ZNF486: variants seen among roughly 807,000 people sequenced by gnomAD.
ZNF486 encodes the protein zinc finger protein 486, also known as KRAB box only protein 2.
Under a neutral mutation model 12.8 loss-of-function variants are expected in ZNF486, and 12 were observed. The ratio of observed to expected loss-of-function variants is 0.94; its 90% CI spans 0.60 to 1.52. The LOEUF (loss-of-function observed/expected upper bound fraction) is 1.52, where lower values mean the gene tolerates loss of function less well. ZNF486 is among the 40% of genes most tolerant of loss of function. The probability of loss-of-function intolerance (pLI) is 0.00; values close to 1 mark genes in which losing one functional copy is unlikely to be tolerated. For synonymous variants in ZNF486, 231 were observed against 184.9 expected (o/e 1.25, Z -2.02); for missense variants, 738 against 545.0 (o/e 1.35, Z -3.53).
chr19:20,199,520 C>G lies in ZNF486; in HGVS notation c.*1418C>G, dbSNP rs1176610009. 1 of 150,798 alleles carries G rather than the reference C, an allele frequency of 6.6e-6. No individual in the cohort carries two copies. The highest frequency in any genetic ancestry group is 1.5e-5 in the Non-Finnish European group (1 of 67,748). 9.3% of individuals were successfully genotyped at this position (150,798 alleles called of 1,614,324 possible). On this transcript the variant is annotated 3_prime_UTR_variant, in exon 4 of 4. Coordinates refer to ENST00000335117, the MANE Select transcript of ZNF486 (RefSeq NM_052852.4). Reference sequence around the variant, plus strand: ...CCAAGGTGGGAGGATCACCTGATGTCGGGAGTTTGAGATCAGACTGACCAA... The same window carrying G: ...CCAAGGTGGGAGGATCACCTGATGTGGGGAGTTTGAGATCAGACTGACCAA...
At chr19:20,170,673 G>A (rs1228764948) in intron 1 of ZNF486, among the ~76,000 whole-genome samples, 2 of 152,188 alleles carry the variant, frequency 1.3e-5, no homozygotes, top group Admixed American at 1.3e-4. Flanking sequence ...CTGTGTGACA[G>A]GTAAGAAAAG....
intron 1 of ZNF486, among the ~76,000 whole-genome samples, chr19:20,181,692 A>T (rs1356255352): frequency 2.0e-5 from 3 of 151,754 alleles, no homozygotes; most frequent in Non-Finnish European, 4.4e-5. Flanking sequence ...GTCACAGAAA[A>T]GTAAATATGA....
In ZNF486 at chr19:20,188,575, T is replaced by G. The variant is rs1002584525; in HGVS notation, c.253+2493T>G. On this transcript the variant is annotated intron_variant, in intron 3 of 3. Transcript: ENST00000335117. The stretch of plus-strand genomic sequence containing the variant: ...GGTATGCAGCTGTGGTACCTGCTAC[T>G]TGGGAGATGGAGGGGGAGTCAAAAT... 11 of 397,758 alleles carry G rather than the reference T, an allele frequency of 2.8e-5. No individual in the cohort carries two copies. The Admixed American group carries it at 4.4e-4, about 16-fold the overall frequency. 24.6% of individuals were successfully genotyped at this position (397,758 alleles called of 1,614,324 possible).
At chr19:20,178,452 T>C (rs1555715136) in intron 1 of ZNF486, among the ~76,000 whole-genome samples, 1 of 151,886 alleles carries the variant, frequency 6.6e-6, no homozygotes, top group East Asian at 1.9e-4. Flanking sequence ...ACTGTGTTAG[T>C]TAGATGGTCT....
chr19:20,191,663 G>A (rs575039727), intron 3 of ZNF486, among the ~76,000 whole-genome samples: 3 of 151,628 alleles, frequency 2.0e-5, no homozygotes, highest in East Asian at 3.9e-4. Context: ...CCAGCTACTC[G>A]GGAGGCTGAG....
At chr19:20,170,049 C>G (rs186737860) in intron 1 of ZNF486, among the ~76,000 whole-genome samples, 6 of 151,682 alleles carry the variant, frequency 4.0e-5, no homozygotes, top group African/African-American at 1.5e-4. Flanking sequence ...CGCCACCACG[C>G]CCGGCTAATT....
intron 3 of ZNF486, among the ~76,000 whole-genome samples, chr19:20,196,106 C>T (rs1206847105): frequency 6.6e-6 from 1 of 152,172 alleles, no homozygotes; most frequent in Non-Finnish European, 1.5e-5. Context: ...ACATTCTCTG[C>T]CTCCACAGTT....
chr19:20,182,017 T>C (rs1262468287), intron 1 of ZNF486, among the ~76,000 whole-genome samples: 3 of 152,254 alleles, frequency 2.0e-5, no homozygotes, highest in Admixed American at 2.0e-4. Context: ...AAATACAGAC[T>C]TACTCTGTCA....
At chr19:20,196,615 C>A (rs532032933) in intron 3 of ZNF486, among the ~76,000 whole-genome samples, 19 of 152,326 alleles carry the variant, frequency 1.2e-4, no homozygotes, top group Admixed American at 4.6e-4. Context: ...CAGGAATGAG[C>A]CACTGCACCA....
chr19:20,181,196 G>A (rs1213284885), intron 1 of ZNF486, among the ~76,000 whole-genome samples: 8 of 152,168 alleles, frequency 5.3e-5, no homozygotes, highest in African/African-American at 1.9e-4. Flanking sequence ...GAATCCTGCT[G>A]CCTTTCTAGA....
chr19:20,186,768 T>G (rs969039972), intron 3 of ZNF486, among the ~76,000 whole-genome samples: 4 of 149,848 alleles, frequency 2.7e-5, no homozygotes, highest in South Asian at 2.1e-4. Context: ...TTGGATCTTC[T>G]CTAATATTTT....
chr19:20,184,248 T>G lies in ZNF486; in HGVS notation c.31-108T>G, dbSNP rs2089816981. ...AAATTATTTTATTGGATAATTTTAG[T>G]CAATCCTATAAGTAAGAATCAGTTC... is the stretch of plus-strand genomic sequence containing the variant. On this transcript the variant is annotated intron_variant, in intron 1 of 3. Coordinates refer to ENST00000335117, the MANE Select transcript of ZNF486 (RefSeq NM_052852.4). 3.3e-6 allele frequency: 5 copies of G among 1,496,594 alleles called. No individual in the cohort carries two copies. The South Asian group carries it at 6.2e-5, about 19-fold the overall frequency. The allele number at this position is 1,496,594 out of a possible 1,614,324, so 92.7% of individuals were successfully genotyped here.
intron 3 of ZNF486, among the ~76,000 whole-genome samples, chr19:20,186,724 T>A (rs2089850854): frequency 6.6e-6 from 1 of 151,814 alleles, no homozygotes; most frequent in Admixed American, 6.6e-5. Context: ...AATCTATAGA[T>A]CACTCTGGTT....
At chr19:20,186,147 A>T in intron 3 of ZNF486, 65 bp downstream of exon 3, 2 of 1,260,846 alleles carry the variant, frequency 1.6e-6, no homozygotes, top group Non-Finnish European at 2.2e-6. Flanking sequence ...TCAAAAAGAA[A>T]GCCAGTCCTT....
At position 20,180,688 on chromosome 19, in the gene ZNF486, C is replaced by T. The variant is rs554380740; in HGVS notation, c.31-3668C>T. 1.4e-4 allele frequency among the ~76,000 whole-genome samples: 22 copies of T among 152,286 alleles called. 1 individual carries two copies. The South Asian group carries it at 4.6e-3, about 32-fold the overall frequency. On this transcript the variant is annotated intron_variant, in intron 1 of 3. Transcript: ENST00000335117. ...ACTTGGGTTCAAGCGATTCTCCTGC[C>T]TCAGCCTCCAAAGTAGCTGGGATTG...
At chr19:20,193,818 AATTTTT>A (rs1555717542) in intron 3 of ZNF486, among the ~76,000 whole-genome samples, 1 of 150,982 alleles carries the variant, frequency 6.6e-6, no homozygotes, top group African/African-American at 2.4e-5. Context: ...GTGTTTTTTT[AATTTTT>A]TGTATTGATA....
intron 1 of ZNF486, among the ~76,000 whole-genome samples, chr19:20,182,894 G>C (rs1484482950): frequency 6.6e-6 from 1 of 150,944 alleles, no homozygotes; most frequent in Non-Finnish European, 1.5e-5. Context: ...AATTCCAGAG[G>C]AGGAGGAGGA....
chr19:20,173,477 C>T (rs781983056), intron 1 of ZNF486, among the ~76,000 whole-genome samples: 3 of 152,074 alleles, frequency 2.0e-5, no homozygotes, highest in Non-Finnish European at 4.4e-5. Context: ...CACTAACGTT[C>T]TTTCAAGCGC....
chr19:20,169,942 G>C (rs1042969279), intron 1 of ZNF486, among the ~76,000 whole-genome samples: 1 of 147,428 alleles, frequency 6.8e-6, no homozygotes, highest in African/African-American at 2.5e-5. Flanking sequence ...CCAGGCTGGA[G>C]TGCAGTGGCG....
Sources: gnomAD v4.1 joint callset for allele counts (sites outside exome capture counted in the v4.1 genomes callset) on GRCh38, gnomAD v4.1.1 for gene constraint, MANE v1.5 for transcripts, NCBI Gene and HGNC (gene_info 2026-07-23, HGNC 2026-07-21) for gene names.